KIF6: variants seen among roughly 807,000 people sequenced by gnomAD.
The protein encoded by KIF6 is kinesin-like protein KIF6.
KIF6 carries 106 observed loss-of-function variants against 112.7 expected under a neutral mutation model. The ratio of observed to expected loss-of-function variants is 0.94; its 90% CI spans 0.80 to 1.11. The LOEUF (loss-of-function observed/expected upper bound fraction) is 1.11. Among genes scored for constraint, KIF6 ranks in the 50% least tolerant of loss-of-function variants. KIF6 has a pLI of 0.00. For missense variants in KIF6, 929 were observed against 964.0 expected (o/e 0.96, Z 0.48); for synonymous variants, 339 against 339.9 (o/e 1.00, Z 0.03).
chr6:39,385,143 T>A (rs570796682), intron 16 of KIF6, among the ~76,000 whole-genome samples: 1 of 152,328 alleles, frequency 6.6e-6, no homozygotes, highest in East Asian at 1.9e-4. Context: ...GGGAAGGCAC[T>A]GCATCTCCCC....
chr6:39,346,105 CCCT>C (rs1763747693), intron 20 of KIF6, among the ~76,000 whole-genome samples: 1 of 51,950 alleles, frequency 1.9e-5, no homozygotes, highest in Non-Finnish European at 3.4e-5. Context: ...CTCCCTCCCC[CCCT>C]CCCTCTCCCT....
chr6:39,462,872 T>C (rs189985678), intron 13 of KIF6, among the ~76,000 whole-genome samples: 3 of 152,268 alleles, frequency 2.0e-5, no homozygotes, highest in East Asian at 1.9e-4. Flanking sequence ...TGATTAGATA[T>C]AGAGCTGGAG....
intron 10 of KIF6, among the ~76,000 whole-genome samples, chr6:39,568,993 A>T (rs1362452135): frequency 6.6e-6 from 1 of 151,564 alleles, no homozygotes; most frequent in African/African-American, 2.4e-5. Flanking sequence ...CTCTCTCTCC[A>T]GGTCTACTTC....
At position 39,653,990 on chromosome 6, in the gene KIF6, T is replaced by A. The variant is rs1785623625; in HGVS notation, c.252-14233A>T. ...TAAATAGTAGAAATTAGTTCATTGGTATGGCCCATTATTAGGACCTTGTTG... is the reference window on the plus strand; with the variant it reads ...TAAATAGTAGAAATTAGTTCATTGGAATGGCCCATTATTAGGACCTTGTTG... On this transcript the variant is annotated intron_variant, in intron 3 of 22. Transcript: ENST00000287152. Among the ~76,000 whole-genome samples the A allele has an allele frequency of 1.3e-5, 2 of 152,196 alleles. 1 individual carries two copies. Among genetic ancestry groups the A allele is most frequent in the South Asian group, 4.1e-4 (2 of 4,828 alleles).
chr6:39,546,559 C>T (rs1779078407), intron 10 of KIF6, among the ~76,000 whole-genome samples: 1 of 152,180 alleles, frequency 6.6e-6, no homozygotes, highest in South Asian at 2.1e-4. Context: ...GGTACAGTGG[C>T]TCACACTTGT....
intron 9 of KIF6, among the ~76,000 whole-genome samples, chr6:39,578,753 G>A (rs1284684149): frequency 6.6e-6 from 1 of 152,008 alleles, no homozygotes; most frequent in African/African-American, 2.4e-5. Flanking sequence ...ATTTCTCTGT[G>A]TGTTTTCATA....
At chr6:39,538,113 C>G (rs1778552908) in intron 13 of KIF6, among the ~76,000 whole-genome samples, 1 of 151,994 alleles carries the variant, frequency 6.6e-6, no homozygotes, top group South Asian at 2.1e-4. Context: ...CCATAAAAAC[C>G]CTAGAAGAAA....
At chr6:39,512,437 T>C (rs919450814) in intron 13 of KIF6, among the ~76,000 whole-genome samples, 2 of 152,160 alleles carry the variant, frequency 1.3e-5, no homozygotes, top group African/African-American at 4.8e-5. Context: ...CTCCAAGGCC[T>C]CCCACCTGCA....
At chr6:39,586,609 A>C (rs1218900928) in intron 7 of KIF6, among the ~76,000 whole-genome samples, 2 of 152,226 alleles carry the variant, frequency 1.3e-5, no homozygotes, top group Non-Finnish European at 2.9e-5. Flanking sequence ...ATGTAGTGTA[A>C]CTGTAGCATT....
At chr6:39,507,960 TTCC>T (rs950837313) in intron 13 of KIF6, among the ~76,000 whole-genome samples, 146 of 87,240 alleles carry the variant, frequency 1.7e-3, no homozygotes, top group African/African-American at 3.8e-3. Flanking sequence ...CCCCTTCCCC[TTCC>T]TCCTCCTCCT....
intron 3 of KIF6, among the ~76,000 whole-genome samples, chr6:39,670,785 T>C (rs768858183): frequency 1.3e-5 from 2 of 152,194 alleles, no homozygotes; most frequent in Non-Finnish European, 2.9e-5. Context: ...TATATCAATA[T>C]GCAAATCTGT....
intron 10 of KIF6, among the ~76,000 whole-genome samples, chr6:39,551,712 A>G (rs1779393105): frequency 6.6e-6 from 1 of 152,238 alleles, no homozygotes; most frequent in South Asian, 2.1e-4. Flanking sequence ...TATGATAACT[A>G]GGAAGAATTG....
chr6:39,368,424 A>G (rs1365054712), intron 16 of KIF6, among the ~76,000 whole-genome samples: 1 of 152,308 alleles, frequency 6.6e-6, no homozygotes, highest in Admixed American at 6.5e-5. Flanking sequence ...TCCGATTTCA[A>G]AGCTGGTGCT....
chr6:39,417,377 G>T (rs1037951526), intron 15 of KIF6, among the ~76,000 whole-genome samples: 1 of 152,228 alleles, frequency 6.6e-6, no homozygotes, highest in Non-Finnish European at 1.5e-5. Flanking sequence ...GTGAAGACTG[G>T]CATTGGCTTT....
At chr6:39,471,857 T>TG (rs1004057664) in intron 13 of KIF6, among the ~76,000 whole-genome samples, 9 of 152,326 alleles carry the variant, frequency 5.9e-5, no homozygotes, top group Non-Finnish European at 1.2e-4. Flanking sequence ...GGAAACCATC[T>TG]GGAATAGAGT....
chr6:39,383,799 T>G (rs939255880), intron 16 of KIF6, among the ~76,000 whole-genome samples: 3 of 152,220 alleles, frequency 2.0e-5, no homozygotes, highest in Non-Finnish European at 4.4e-5. Context: ...GGAATGCTTT[T>G]CCATTTGTTT....
At chr6:39,337,542 A>ACGCCTGCCCCTG (rs1247161823) in intron 22 of KIF6, among the ~76,000 whole-genome samples, 1 of 151,578 alleles carries the variant, frequency 6.6e-6, no homozygotes, top group African/African-American at 2.4e-5. Context: ...CAAATTCCTG[A>ACGCCTGCCCCTG]GCTTAAGTGA....
chr6:39,586,525 C>T, intron 7 of KIF6, 121 bp from the exon 8 acceptor site: 1 of 727,674 alleles, frequency 1.4e-6, no homozygotes, highest in Non-Finnish European at 2.4e-6. Flanking sequence ...CACGGTGAAG[C>T]CCAAAACTTA....
chr6:39,674,170 AT>A (rs1786999434), intron 3 of KIF6, among the ~76,000 whole-genome samples: 1 of 152,216 alleles, frequency 6.6e-6, no homozygotes, highest in South Asian at 2.1e-4. Flanking sequence ...ATATTTTAGG[AT>A]TTTAAAATAC....
Sources: allele counts gnomAD v4.1 joint callset (sites outside exome capture counted in the v4.1 genomes callset), GRCh38; gene constraint gnomAD v4.1.1; transcripts MANE v1.5; gene names NCBI Gene and HGNC (gene_info 2026-07-23, HGNC 2026-07-21).